Variants in ENAH observed in about 807,000 individuals in gnomAD.
ENAH encodes ENAH actin regulator.
A neutral mutation model predicts 78.7 loss-of-function variants in ENAH; 23 were observed. The observed-to-expected ratio is 0.29, with a 90% confidence interval of 0.21 to 0.41. The LOEUF is 0.41. ENAH is among the 10% of genes least tolerant of loss of function. ENAH has a pLI of 1.00. For missense variants in ENAH, 544 were observed against 691.0 expected, an observed-to-expected ratio of 0.79 and a Z score of 2.39; for synonymous variants, 226 against 241.0, an observed-to-expected ratio of 0.94 and a Z score of 0.58.
At chr1:225,533,017 C>T (rs1204805832) in intron 3 of ENAH, among the ~76,000 whole-genome samples, 1 of 151,864 alleles carries the variant, frequency 6.6e-6, no homozygotes, top group Non-Finnish European at 1.5e-5. Context: ...TGTGTCCGTG[C>T]ATGGAATCAC....
At chr1:225,578,634 T>G (rs1174639402) in intron 1 of ENAH, among the ~76,000 whole-genome samples, 1 of 152,200 alleles carries the variant, frequency 6.6e-6, no homozygotes, top group Non-Finnish European at 1.5e-5. Context: ...TGCTCTTTCT[T>G]GTAATATGAA....
chr1:225,533,034 T>TGA lies in ENAH; in HGVS notation c.350-2397_350-2396insTC, dbSNP rs1270890019. Reference sequence around the variant, plus strand: ...TGTCCGTGCATGGAATCACTCCCTTTGGCACTTTTTCACATCTACATTTAA... The same window carrying TGA: ...TGTCCGTGCATGGAATCACTCCCTTTGAGGCACTTTTTCACATCTACATTTAA... On this transcript the variant is annotated intron_variant, in intron 3 of 13. Coordinates refer to ENST00000366843, the MANE Select transcript of ENAH (RefSeq NM_018212.6). 4.6e-5 allele frequency among the ~76,000 whole-genome samples: 7 copies of TGA among 152,154 alleles called. No individual in the cohort carries two copies. In the East Asian group the frequency reaches 1.2e-3, roughly 25 times the overall value.
chr1:225,637,867 G>A (rs923224300), intron 1 of ENAH, among the ~76,000 whole-genome samples: 2 of 152,142 alleles, frequency 1.3e-5, no homozygotes, highest in Non-Finnish European at 2.9e-5. Context: ...AGGTTGCAGT[G>A]AGCTATGATC....
At chr1:225,515,000 C>T (rs2096406724) in intron 6 of ENAH, 100 bp from the exon 7 acceptor site, 2 of 970,568 alleles carry the variant, frequency 2.1e-6, no homozygotes, top group Admixed American at 2.3e-5. Flanking sequence ...ATTAAACTGA[C>T]TCATGTATTT....
intron 1 of ENAH, among the ~76,000 whole-genome samples, chr1:225,632,255 T>C (rs971084021): frequency 6.6e-6 from 1 of 152,148 alleles, no homozygotes; most frequent in African/African-American, 2.4e-5. Context: ...TCCCAGCACT[T>C]TGGGAGGCCA....
intron 5 of ENAH, chr1:225,517,692 C>G: frequency 1.3e-6 from 2 of 1,551,066 alleles, no homozygotes; most frequent in Non-Finnish European, 1.7e-6. Context: ...AGGGTGTGTT[C>G]ACAGGAGAAG....
At chr1:225,503,125 C>T (rs2096294061) in intron 11 of ENAH, among the ~76,000 whole-genome samples, 1 of 152,056 alleles carries the variant, frequency 6.6e-6, no homozygotes, top group African/African-American at 2.4e-5. Context: ...CCATCACCAC[C>T]ACCACCACCA....
chr1:225,565,392 G>T (rs1011819764), intron 2 of ENAH, among the ~76,000 whole-genome samples: 2 of 151,792 alleles, frequency 1.3e-5, no homozygotes, highest in Non-Finnish European at 2.9e-5. Context: ...CCACAATCAC[G>T]CCATTGCACT....
At chr1:225,521,353 C>T (rs1415118444) in intron 4 of ENAH, among the ~76,000 whole-genome samples, 1 of 151,826 alleles carries the variant, frequency 6.6e-6, no homozygotes, top group Non-Finnish European at 1.5e-5. Context: ...GTCAATTAAC[C>T]TTCCCTAAAA....
chr1:225,622,541 T>G (rs1409904449), intron 1 of ENAH, among the ~76,000 whole-genome samples: 1 of 152,098 alleles, frequency 6.6e-6, no homozygotes, highest in Non-Finnish European at 1.5e-5. Context: ...TAAACATGAG[T>G]GTACTGCTCA....
Position 225,514,659 on chromosome 1 carries a change from G to A in ENAH, c.1155C>T (p.Asp385=). 1 of 1,606,632 alleles carries A rather than the reference G, an allele frequency of 6.2e-7. No individual in the cohort carries two copies. The highest frequency in any genetic ancestry group is 8.5e-7 in the Non-Finnish European group (1 of 1,176,470). The change falls in exon 7 of 14, where the codon GAC becomes GAT. Residue 385 remains aspartate, a synonymous_variant. Coordinates refer to ENST00000366843, the MANE Select transcript of ENAH (RefSeq NM_018212.6). ...CTGCAAGTCCAGTTAAAGGGCGATT[G>A]TCTTCTGACATGGATGCCAAAAAGA... is the stretch of plus-strand genomic sequence containing the variant. ...SGFFLASMSE[D]NRPLTGLAAA...
At chr1:225,642,776 C>G (rs531142961) in intron 1 of ENAH, among the ~76,000 whole-genome samples, 162 of 152,288 alleles carry the variant, frequency 1.1e-3, no homozygotes, top group African/African-American at 3.2e-3. Context: ...CTACACATCT[C>G]ATTGGGAAAA....
chr1:225,652,559 A>G, intron 1 of ENAH, 127 bp downstream of exon 1: 2 of 1,067,922 alleles, frequency 1.9e-6, no homozygotes, highest in Non-Finnish European at 2.4e-6. Context: ...CGGAGGGGGG[A>G]GGAACAGACC....
chr1:225,564,983 T>C (rs2096727585), intron 2 of ENAH, among the ~76,000 whole-genome samples: 1 of 152,072 alleles, frequency 6.6e-6, no homozygotes, highest in South Asian at 2.1e-4. Context: ...TTTTTTAATA[T>C]ACATAATAAT....
At chr1:225,586,897 G>A (rs2096850108) in intron 1 of ENAH, among the ~76,000 whole-genome samples, 2 of 144,650 alleles carry the variant, frequency 1.4e-5, no homozygotes, top group South Asian at 4.4e-4. Flanking sequence ...GGTGGCACGT[G>A]CCTGTAGACC....
chr1:225,499,320 T>C (rs1207488996), intron 12 of ENAH, among the ~76,000 whole-genome samples: 1 of 151,736 alleles, frequency 6.6e-6, no homozygotes, highest in African/African-American at 2.4e-5. Flanking sequence ...TTTTAAAATA[T>C]ATACGTAGCC....
chr1:225,583,931 T>C (rs1213581062), intron 1 of ENAH, among the ~76,000 whole-genome samples: 3 of 152,008 alleles, frequency 2.0e-5, no homozygotes, highest in Non-Finnish European at 4.4e-5. Flanking sequence ...GGCAGGCAGA[T>C]CACTTGAGGC....
At chr1:225,649,387 C>T (rs1662553652) in intron 1 of ENAH, among the ~76,000 whole-genome samples, 1 of 151,182 alleles carries the variant, frequency 6.6e-6, no homozygotes, top group Admixed American at 6.6e-5. Flanking sequence ...AGACAAGCTC[C>T]TCTTTCAGTT....
rs2096239597 is a variant in ENAH at position 225,494,389 on chromosome 1, CAAT to C, written c.*3383_*3385del. 1 of 152,088 alleles carries C rather than the reference CAAT, an allele frequency of 6.6e-6. No homozygotes were observed. Among genetic ancestry groups the C allele is most frequent in the African/African-American group, 2.4e-5 (1 of 41,418 alleles). 9.4% of individuals were successfully genotyped at this position (152,088 alleles called of 1,614,324 possible). A position where few individuals can be genotyped will look rare whatever the true frequency, so the allele number is the denominator to read the frequency against. On this transcript the variant is annotated 3_prime_UTR_variant, in exon 14 of 14. Coordinates refer to ENST00000366843, the MANE Select transcript of ENAH (RefSeq NM_018212.6). ...TTTGCTATACTTAAAATTCATTACT[CAAT>C]AATGCCCTTTACCACACAATGTCCT...
Sources: allele counts gnomAD v4.1 joint callset (sites outside exome capture counted in the v4.1 genomes callset), GRCh38; gene constraint gnomAD v4.1.1; transcripts MANE v1.5; gene names NCBI Gene and HGNC (gene_info 2026-07-23, HGNC 2026-07-21).